Variants in NRG4 observed in about 807,000 individuals in gnomAD.
The protein encoded by NRG4 is neuregulin 4.
NRG4 carries 10 observed loss-of-function variants against 15.0 expected under a neutral mutation model. That is an observed-to-expected ratio of 0.67 (90% confidence interval 0.41 to 1.13). The LOEUF (loss-of-function observed/expected upper bound fraction) is 1.13. NRG4 is among the 50% of genes most tolerant of loss of function. NRG4 has a pLI of 0.00. For synonymous variants in NRG4, 41 were observed against 50.1 expected (o/e 0.82, Z 0.77); for missense variants, 139 against 140.2 (o/e 0.99, Z 0.04).
In NRG4 at chr15:75,943,810, A is replaced by G. The variant is rs561807230; in HGVS notation, c.332-156T>C. Among the ~76,000 whole-genome samples, 163 of 152,280 alleles carry G rather than the reference A, an allele frequency of 1.1e-3. 1 individual carries two copies. Among genetic ancestry groups the G allele is most frequent in the Non-Finnish European group, 1.6e-4 (11 of 68,028 alleles). The stretch of plus-strand genomic sequence containing the variant: ...GAGGTAAACTAACCTAGAATATCAA[A>G]AATTTCCAGCAGCCTGACAAGACTC... On this transcript the variant is annotated intron_variant, in intron 5 of 5. Coordinates refer to ENST00000394907, the MANE Select transcript of NRG4 (RefSeq NM_138573.4).
At chr15:76,010,779 C>A (rs1356567021) in intron 2 of NRG4, among the ~76,000 whole-genome samples, 2 of 152,086 alleles carry the variant, frequency 1.3e-5, no homozygotes, top group East Asian at 3.8e-4. Context: ...TGGTTTTCCA[C>A]TGAGGGTGGA....
At chr15:76,022,996 A>G (rs2035202965) in intron 5 of NRG4, among the ~76,000 whole-genome samples, 1 of 152,162 alleles carries the variant, frequency 6.6e-6, no homozygotes, top group African/African-American at 2.4e-5. Context: ...AGGGTAAGAA[A>G]AAAATCAAGA....
At chr15:76,017,158 T>C (rs2035002590), upstream of NRG4, among the ~76,000 whole-genome samples, 1 of 121,852 alleles carries the variant, frequency 8.2e-6, no homozygotes, top group Admixed American at 7.5e-5. Context: ...CCCCTGCCTT[T>C]TTTTTTTTTT....
intron 3 of NRG4, among the ~76,000 whole-genome samples, chr15:75,978,506 A>G (rs1405932929): frequency 6.6e-6 from 1 of 152,208 alleles, no homozygotes; most frequent in Non-Finnish European, 1.5e-5. Context: ...TGCAATAAAC[A>G]TGGGAGTACA....
At chr15:76,015,115 G>A (rs1357784187), upstream of NRG4, among the ~76,000 whole-genome samples, 4 of 152,126 alleles carry the variant, frequency 2.6e-5, no homozygotes, top group Non-Finnish European at 5.9e-5. Flanking sequence ...AGTTGTGAAT[G>A]GGAGTTCACT....
upstream of NRG4, among the ~76,000 whole-genome samples, chr15:76,013,774 G>C (rs900445388): frequency 1.8e-4 from 27 of 152,134 alleles, no homozygotes; most frequent in Non-Finnish European, 2.9e-4. Flanking sequence ...CCAAGTCTTT[G>C]CTATTGTGAA....
chr15:75,979,432 A>G (rs2033512862), intron 3 of NRG4, among the ~76,000 whole-genome samples: 1 of 152,212 alleles, frequency 6.6e-6, no homozygotes, highest in Non-Finnish European at 1.5e-5. Flanking sequence ...TTATTTGAAC[A>G]CATGGGTTTT....
At chr15:75,959,215 TG>T in intron 4 of NRG4, 1 of 267,966 alleles carries the variant, frequency 3.7e-6, no homozygotes, top group Non-Finnish European at 7.6e-6. Flanking sequence ...CTTAAACTCC[TG>T]GTCTCAAGTA....
At chr15:76,005,299 T>C (rs2034556769) in intron 3 of NRG4, among the ~76,000 whole-genome samples, 1 of 151,454 alleles carries the variant, frequency 6.6e-6, no homozygotes, top group Non-Finnish European at 1.5e-5. Context: ...GGAGGATCAC[T>C]TGAGCCCAGG....
intron 4 of NRG4, chr15:75,959,091 C>A: frequency 2.6e-6 from 1 of 383,108 alleles, no homozygotes; most frequent in Non-Finnish European, 5.2e-6. Context: ...AAGCGATCTT[C>A]CCATCTCAGC....
intron 5 of NRG4, among the ~76,000 whole-genome samples, chr15:76,030,648 T>C (rs868736649): frequency 6.6e-6 from 1 of 152,166 alleles, no homozygotes; most frequent in Non-Finnish European, 1.5e-5. Context: ...CAAGGCAACA[T>C]AGGGGAAAGA....
chr15:76,044,277 C>G lies in NRG4; in HGVS notation c.-105+7790G>C, dbSNP rs536216260. 2.7e-5 allele frequency among the ~76,000 whole-genome samples: 4 copies of G among 150,764 alleles called. No individual in the cohort carries two copies. In the East Asian group the frequency reaches 7.8e-4, roughly 30 times the overall value. The stretch of plus-strand genomic sequence containing the variant: ...TCGGCCTCCCAAAGTGCTGGGATTA[C>G]AGGCGTGAGCCACCGCGCCCGGCCA... On this transcript the variant is annotated intron_variant, in intron 4 of 8. Transcript: ENST00000563910.
downstream of NRG4, chr15:75,936,951 T>C (rs1250100962): frequency 6.6e-6 from 1 of 152,148 alleles, no homozygotes; most frequent in African/African-American, 2.4e-5. Context: ...ACAGGGAAGA[T>C]TGATTAATTT....
chr15:75,979,010 T>A (rs1384821202), intron 3 of NRG4, among the ~76,000 whole-genome samples: 1 of 152,206 alleles, frequency 6.6e-6, no homozygotes, highest in Non-Finnish European at 1.5e-5. Context: ...TCCTTATACA[T>A]TCTCATTACT....
chr15:76,055,905 C>A (rs1005563672), intron 2 of NRG4, among the ~76,000 whole-genome samples: 1 of 152,184 alleles, frequency 6.6e-6, no homozygotes, highest in African/African-American at 2.4e-5. Flanking sequence ...TACCCAAGAT[C>A]TACTGTTCTT....
chr15:76,005,879 A>AATG (rs1287115156), intron 3 of NRG4: 1 of 355,966 alleles, frequency 2.8e-6, no homozygotes, highest in East Asian at 7.3e-5. Flanking sequence ...GTAAATAGTG[A>AATG]ATGGCTCTAG....
intron 3 of NRG4, among the ~76,000 whole-genome samples, chr15:75,975,461 T>C (rs2033321167): frequency 6.6e-6 from 1 of 152,256 alleles, no homozygotes; most frequent in Non-Finnish European, 1.5e-5. Context: ...CTTTACAATC[T>C]GGCATGTTTT....
At chr15:76,017,657 C>T (rs1488647907) in intron 5 of NRG4, among the ~76,000 whole-genome samples, 1 of 152,068 alleles carries the variant, frequency 6.6e-6, no homozygotes, top group Non-Finnish European at 1.5e-5. Context: ...GAATATTGGC[C>T]CCCACTCTCT....
intron 5 of NRG4, among the ~76,000 whole-genome samples, chr15:75,944,637 A>G (rs1327392307): frequency 1.3e-5 from 2 of 152,172 alleles, no homozygotes; most frequent in African/African-American, 4.8e-5. Flanking sequence ...TTATGCTATG[A>G]TTTTCATAAT....
Sources: gnomAD v4.1 joint callset for allele counts (sites outside exome capture counted in the v4.1 genomes callset) on GRCh38, gnomAD v4.1.1 for gene constraint, MANE v1.5 for transcripts, NCBI Gene and HGNC (gene_info 2026-07-23, HGNC 2026-07-21) for gene names.